Variants in ACSM3 observed in about 807,000 individuals in gnomAD.
ACSM3 encodes acyl-coenzyme A synthetase ACSM3, mitochondrial.
A neutral mutation model predicts 74.1 loss-of-function variants in ACSM3; 61 were observed. The ratio of observed to expected loss-of-function variants is 0.82; its 90% CI spans 0.67 to 1.02. The LOEUF (loss-of-function observed/expected upper bound fraction) is 1.02. Ranked by LOEUF, ACSM3 falls within the 50% of genes least tolerant of loss-of-function variation. ACSM3 has a pLI of 0.00. For missense variants in ACSM3, 660 were observed against 697.0 expected (o/e 0.95, Z 0.60); for synonymous variants, 213 against 241.5 (o/e 0.88, Z 1.09).
In ACSM3 at chr16:20,790,613, A is replaced by G; in HGVS notation, c.1251A>G (p.Leu417=). Reference sequence around the variant, plus strand: ...TTGTAGATGTAAATGGCAATGTTCTACCTCCTGGACAAGAAGGAGATATTG... The same window carrying G: ...TTGTAGATGTAAATGGCAATGTTCTGCCTCCTGGACAAGAAGGAGATATTG... ...VKIVDVNGNV[L]PPGQEGDIGI... Residue 417 remains leucine, a synonymous_variant, in exon 10 of 14, where the codon CTA becomes CTG. Transcript: ENST00000289416. The surrounding 1 kb of genome is among the most constrained non-coding windows in gnomAD (Gnocchi z 4.0). 2 of 1,614,080 alleles carry G rather than the reference A, an allele frequency of 1.2e-6. No homozygotes were observed. Among genetic ancestry groups the G allele is most frequent in the Non-Finnish European group, 1.7e-6 (2 of 1,179,956 alleles).
rs900996975 is a variant in ACSM3, at chr16:20,790,929, G to A, written c.1326+241G>A. 3 of 1,613,784 alleles carry A rather than the reference G, an allele frequency of 1.9e-6. No individual in the cohort carries two copies. The Admixed American group carries it at 5.0e-5, about 27-fold the overall frequency. Reference sequence around the variant, plus strand: ...CAGGTCCACGAAGGCAAGAGGAAGGGACCCTAGAAAGAGGACAGCCTCTTA... The same window carrying A: ...CAGGTCCACGAAGGCAAGAGGAAGGAACCCTAGAAAGAGGACAGCCTCTTA... On this transcript the variant is annotated intron_variant, in intron 10 of 13. Transcript: ENST00000289416. The surrounding 1 kb of genome is among the most constrained non-coding windows in gnomAD (Gnocchi z 4.0).
Position 20,797,012 on chromosome 16 carries a change from G to T in ACSM3, c.*40G>T, listed in dbSNP as rs1441750339. The T allele has an allele frequency of 6.3e-7, 1 of 1,598,588 alleles. No homozygotes were observed. Among genetic ancestry groups the T allele is most frequent in the African/African-American group, 1.4e-5 (1 of 73,992 alleles). On this transcript the variant is annotated 3_prime_UTR_variant, in exon 14 of 14. Coordinates refer to ENST00000289416, the MANE Select transcript of ACSM3 (RefSeq NM_005622.4). ...TTACCATATCTATAAAACAAACATA[G>T]TATCTGTCAATCTCTAGAAACCACA...
At chr16:20,777,311 C>T in intron 3 of ACSM3, 62 bp from the exon 4 acceptor site, 1 of 1,434,640 alleles carries the variant, frequency 7.0e-7, no homozygotes, top group South Asian at 1.3e-5. Flanking sequence ...GGTATCTACA[C>T]TACTCTAACA....
At chr16:20,755,717 G>A (rs2080024283) in intron 3 of ACSM3, 1 of 149,320 alleles carries the variant, frequency 6.7e-6, no homozygotes, top group Non-Finnish European at 1.5e-5. Context: ...CATGTGCCAT[G>A]CTGGTGTGTT....
At chr16:20,684,099 T>C (rs1025602557) in intron 1 of ACSM3, among the ~76,000 whole-genome samples, 8 of 152,180 alleles carry the variant, frequency 5.3e-5, no homozygotes, top group Non-Finnish European at 1.0e-4. Flanking sequence ...AAAGAATCTG[T>C]GAGTCACTGA....
intron 2 of ACSM3, among the ~76,000 whole-genome samples, chr16:20,775,228 C>T (rs1415649091): frequency 6.6e-6 from 1 of 152,152 alleles, no homozygotes; most frequent in Non-Finnish European, 1.5e-5. Flanking sequence ...ATGGTAGTAG[C>T]TCTGTTCCTA....
At chr16:20,682,789 T>C (rs553080626) in intron 1 of ACSM3, among the ~76,000 whole-genome samples, 5 of 152,346 alleles carry the variant, frequency 3.3e-5, no homozygotes, top group South Asian at 2.1e-4. Context: ...TCTGGAAGTA[T>C]AGATGTAAAC....
chr16:20,761,133 C>G (rs1022644150), upstream of ACSM3, among the ~76,000 whole-genome samples: 6 of 151,752 alleles, frequency 4.0e-5, no homozygotes, highest in South Asian at 1.0e-3. Context: ...CTCACTCTGT[C>G]GCCCAGGCTG....
intron 2 of ACSM3, among the ~76,000 whole-genome samples, chr16:20,774,759 C>A (rs1229430293): frequency 1.3e-5 from 2 of 152,212 alleles, no homozygotes; most frequent in African/African-American, 4.8e-5. Context: ...GATCCTCAGG[C>A]TCCCAGGAAG....
chr16:20,779,028 G>T (rs2080295932), intron 4 of ACSM3, among the ~76,000 whole-genome samples: 1 of 152,178 alleles, frequency 6.6e-6, no homozygotes, highest in African/African-American at 2.4e-5. Context: ...TGGGATTACA[G>T]GCGTGAGCCA....
intron 1 of ACSM3, chr16:20,680,175 A>G (rs1596940113): frequency 1.3e-5 from 2 of 152,318 alleles, no homozygotes; most frequent in East Asian, 3.9e-4. Context: ...AGAACATGCA[A>G]TCCTTTACAT....
At position 20,780,747 on chromosome 16, in the gene ACSM3, A is replaced by C; in HGVS notation, c.672A>C (p.Thr224=). 6.2e-7 allele frequency: 1 copy of C among 1,614,224 alleles called. No individual in the cohort carries two copies. Among genetic ancestry groups the C allele is most frequent in the Non-Finnish European group, 8.5e-7 (1 of 1,180,028 alleles). Residue 224 remains threonine (T), a synonymous_variant, in exon 5 of 14, where the codon ACA becomes ACC. Coordinates refer to ENST00000289416, the MANE Select transcript of ACSM3 (RefSeq NM_005622.4). Reference sequence around the variant, plus strand: ...GTGACAGCCACACCTGTGTGAAGACAAAACACAATGAGATCATGGCCATAT... The same window carrying C: ...GTGACAGCCACACCTGTGTGAAGACCAAACACAATGAGATCATGGCCATAT... The part of the protein sequence containing the change: ...HASDSHTCVK[T]KHNEIMAIFF...
intron 10 of ACSM3, among the ~76,000 whole-genome samples, chr16:20,791,527 G>A (rs1163143957): frequency 6.6e-6 from 1 of 152,112 alleles, no homozygotes; most frequent in African/African-American, 2.4e-5. Flanking sequence ...TCTTCTGTCG[G>A]GCTAGCTCCA....
Position 20,736,840 on chromosome 16 carries a change from G to A in ACSM3, c.-189-13070G>A, listed in dbSNP as rs142437516. The stretch of plus-strand genomic sequence containing the variant: ...TGGAGCCCCAGCAACATCTCGTAGA[G>A]CCCCAGGTGAGAAACCCACCTCCAA... On this transcript the variant is annotated intron_variant, in intron 1 of 3. Transcript: ENST00000561584. The A allele has an allele frequency of 3.0e-3, 4,831 of 1,594,278 alleles. 9 individuals are homozygous for A. The highest frequency in any genetic ancestry group is 3.7e-3 in the Non-Finnish European group (4,351 of 1,168,552).
chr16:20,717,956 G>GGAAGAGGAAGAGGGAGAAGAA (rs1190590436), intron 1 of ACSM3, among the ~76,000 whole-genome samples: 3 of 74,418 alleles, frequency 4.0e-5, no homozygotes, highest in Non-Finnish European at 8.4e-5. Flanking sequence ...AAGAGGAAGA[G>GGAAGAGGAAGAGGGAGAAGAA]GAAGAAGAAG....
chr16:20,757,876 G>C (rs2080044641), intron 3 of ACSM3, among the ~76,000 whole-genome samples: 1 of 151,946 alleles, frequency 6.6e-6, no homozygotes, highest in African/African-American at 2.4e-5. Context: ...GGCCTTTTCT[G>C]CATCTATTGA....
intron 1 of ACSM3, chr16:20,718,271 A>G (rs2079772787): frequency 3.0e-6 from 1 of 332,360 alleles, no homozygotes; most frequent in African/African-American, 2.2e-5. Flanking sequence ...AAGAGGGCAT[A>G]AGTAGCTGAG....
intron 1 of ACSM3, among the ~76,000 whole-genome samples, chr16:20,701,468 G>C (rs1410294639): frequency 6.6e-6 from 1 of 152,154 alleles, no homozygotes; most frequent in Admixed American, 6.5e-5. Flanking sequence ...TTTTCAAAGG[G>C]TGGCTGTTAC....
rs935349993 is a variant in ACSM3, at chr16:20,781,636, C to T, written c.940-72C>T. 47 of 1,110,706 alleles carry T rather than the reference C, an allele frequency of 4.2e-5. 1 individual carries two copies. The highest frequency in any genetic ancestry group is 3.7e-4 in the South Asian group (30 of 80,004). The allele number at this position is 1,110,706 out of a possible 1,614,324, so 68.8% of individuals were successfully genotyped here. A position where few individuals can be genotyped will look rare whatever the true frequency, so the allele number is the denominator to read the frequency against. ...CATAAACAATGTTTAAATTGTGCTG[C>T]GTCAACCAAAGACATTTAAGCACTT... On this transcript the variant is annotated intron_variant, in intron 6 of 13. Transcript: ENST00000289416.
Sources: gnomAD v4.1 joint callset for allele counts (sites outside exome capture counted in the v4.1 genomes callset) on GRCh38, gnomAD v4.1.1 for gene constraint, Gnocchi (gnomAD v3.1) non-coding constraint, MANE v1.5 for transcripts, NCBI Gene and HGNC (gene_info 2026-07-23, HGNC 2026-07-21) for gene names.